HS6ST2: variants seen among roughly 807,000 people sequenced by gnomAD.
HS6ST2 encodes the protein heparan sulfate 6-O-sulfotransferase 2.
In HS6ST2, 17 loss-of-function variants were observed where a neutral mutation model predicts 33.0. That is an observed-to-expected ratio of 0.52 (90% CI 0.35 to 0.77). HS6ST2 has a LOEUF of 0.77. Ranked by LOEUF, HS6ST2 falls within the 30% of genes least tolerant of loss-of-function variation. The probability of loss-of-function intolerance (pLI) is 0.01; values close to 1 mark genes in which losing one functional copy is unlikely to be tolerated. For synonymous variants in HS6ST2, 248 were observed against 237.1 expected (o/e 1.05, Z -0.42); for missense variants, 519 against 551.7 (o/e 0.94, Z 0.59).
intron 3 of HS6ST2, among the ~76,000 whole-genome samples, chrX:132,692,476 A>T (rs1381582923): frequency 9.0e-6 from 1 of 110,678 alleles, no homozygotes; most frequent in Non-Finnish European, 1.9e-5. Flanking sequence ...AACCGTACGC[A>T]GCTCCTTATT....
chrX:132,671,470 A>G (rs960295422), intron 3 of HS6ST2, among the ~76,000 whole-genome samples: 2 of 105,305 alleles, frequency 1.9e-5, no homozygotes, highest in Admixed American at 2.0e-4. Context: ...TTTTTTGATA[A>G]AGCAAAATCC....
At chrX:132,895,923 C>T (rs2148456495) in intron 2 of HS6ST2, among the ~76,000 whole-genome samples, 1 of 111,232 alleles carries the variant, frequency 9.0e-6, no homozygotes, top group South Asian at 3.8e-4. Flanking sequence ...CACTCCAATA[C>T]TGTCACCAGG....
intron 2 of HS6ST2, among the ~76,000 whole-genome samples, chrX:132,727,688 T>C (rs1295141570): frequency 9.0e-6 from 1 of 111,634 alleles, no homozygotes; most frequent in Non-Finnish European, 1.9e-5. Flanking sequence ...CATTTTAAAG[T>C]GTGTAATTCA....
chrX:132,679,200 A>C (rs1269046256), intron 3 of HS6ST2, among the ~76,000 whole-genome samples: 2 of 112,214 alleles, frequency 1.8e-5, no homozygotes, highest in African/African-American at 3.2e-5. Context: ...TTGTGGCTCC[A>C]TTTGCCAATA....
At chrX:132,766,063 G>A (rs147934014) in intron 2 of HS6ST2, among the ~76,000 whole-genome samples, 1,732 of 111,289 alleles carry the variant, frequency 0.016, 24 homozygotes, top group African/African-American at 0.055. Context: ...TCTGAGCCTC[G>A]GCCCAGACTC....
intron 2 of HS6ST2, among the ~76,000 whole-genome samples, chrX:132,729,204 T>C (rs1222900236): frequency 8.9e-6 from 1 of 112,651 alleles, no homozygotes. Context: ...ATATCTTCAG[T>C]AACCTAAGAT....
intron 2 of HS6ST2, among the ~76,000 whole-genome samples, chrX:132,946,666 A>G: frequency 8.9e-6 from 1 of 111,895 alleles, no homozygotes; most frequent in Middle Eastern, 4.7e-3. Context: ...TACCTAATGT[A>G]AATGATGAGT....
chrX:132,658,343 A>G (rs1314605819), intron 4 of HS6ST2, among the ~76,000 whole-genome samples: 1 of 112,170 alleles, frequency 8.9e-6, no homozygotes, highest in Admixed American at 9.4e-5. Context: ...CATAGGAAGC[A>G]CTCAATAAAT....
At chrX:132,887,054 G>T (rs1348326323) in intron 2 of HS6ST2, among the ~76,000 whole-genome samples, 5 of 110,333 alleles carry the variant, frequency 4.5e-5, no homozygotes, top group African/African-American at 1.7e-4. Flanking sequence ...AGAATTGCTT[G>T]AACCTGGGAA....
At chrX:132,716,762 G>T (rs1054621812) in intron 2 of HS6ST2, among the ~76,000 whole-genome samples, 1 of 112,315 alleles carries the variant, frequency 8.9e-6, no homozygotes, top group Non-Finnish European at 1.9e-5. Context: ...TCATTTACAA[G>T]GTAAGTATAT....
chrX:132,728,021 C>T (rs1344212050), intron 2 of HS6ST2, among the ~76,000 whole-genome samples: 1 of 111,982 alleles, frequency 8.9e-6, no homozygotes, highest in East Asian at 2.8e-4. Context: ...GAACACAGCA[C>T]GTTTTGTTTA....
chrX:132,895,689 C>T (rs1294455991), intron 2 of HS6ST2, among the ~76,000 whole-genome samples: 1 of 111,259 alleles, frequency 9.0e-6, no homozygotes, highest in Non-Finnish European at 1.9e-5. Flanking sequence ...ATGATACTGA[C>T]ATATAAACAA....
chrX:132,898,108 G>T (rs1244539951), intron 2 of HS6ST2, among the ~76,000 whole-genome samples: 1 of 109,591 alleles, frequency 9.1e-6, no homozygotes, highest in Non-Finnish European at 1.9e-5. Context: ...AACGGATCTA[G>T]GTTGCGCTCC....
intron 2 of HS6ST2, among the ~76,000 whole-genome samples, chrX:132,749,335 T>G (rs1481615402): frequency 1.8e-5 from 2 of 112,753 alleles, no homozygotes; most frequent in South Asian, 7.2e-4. Context: ...GAGCTTGAAT[T>G]GAAGGGGTAA....
intron 2 of HS6ST2, among the ~76,000 whole-genome samples, chrX:132,881,704 T>C (rs1392403220): frequency 1.8e-4 from 20 of 111,523 alleles, no homozygotes; most frequent in Non-Finnish European, 3.0e-4. Flanking sequence ...TTGCCCATGC[T>C]TATGTCCTGA....
intron 3 of HS6ST2, among the ~76,000 whole-genome samples, chrX:132,677,118 A>G (rs1356123768): frequency 8.9e-6 from 1 of 112,470 alleles, no homozygotes; most frequent in East Asian, 2.8e-4. Context: ...ACTGGAGCCT[A>G]GTTGGTGAAC....
intron 2 of HS6ST2, among the ~76,000 whole-genome samples, chrX:132,877,480 G>A (rs1247686560): frequency 1.8e-5 from 2 of 111,505 alleles, no homozygotes; most frequent in Non-Finnish European, 3.8e-5. Context: ...GAAAACTGAA[G>A]TAACTGGAAG....
chrX:132,848,450 T>C (rs905575750), intron 2 of HS6ST2, among the ~76,000 whole-genome samples: 11 of 112,361 alleles, frequency 9.8e-5, no homozygotes, highest in African/African-American at 3.5e-4. Flanking sequence ...AAAGGAGTAG[T>C]GTCCTCTAGA....
chrX:132,678,415 T>C, intron 3 of HS6ST2, among the ~76,000 whole-genome samples: 1 of 112,172 alleles, frequency 8.9e-6, no homozygotes, highest in Middle Eastern at 4.6e-3. Flanking sequence ...GCCAACAAGA[T>C]ATTGAAAATG....
Sources: allele counts gnomAD v4.1 joint callset (sites outside exome capture counted in the v4.1 genomes callset), GRCh38; gene constraint gnomAD v4.1.1; transcripts MANE v1.5; gene names NCBI Gene and HGNC (gene_info 2026-07-23, HGNC 2026-07-21).